Variants in SNTG2 observed in about 807,000 individuals in gnomAD.
SNTG2 encodes syntrophin gamma 2, also known as gamma-2-syntrophin.
In SNTG2, 74 loss-of-function variants were observed where a neutral mutation model predicts 70.9. The observed-to-expected ratio is 1.04, with a 90% confidence interval of 0.86 to 1.27. SNTG2 has a LOEUF of 1.27. Among genes scored for constraint, SNTG2 ranks in the 50% most tolerant of loss-of-function variants. The pLI is 0.00. For synonymous variants in SNTG2, 278 were observed against 273.8 expected (o/e 1.02, Z -0.15); for missense variants, 717 against 690.7 (o/e 1.04, Z -0.43).
chr2:1,090,347 C>T (rs375928637), intron 2 of SNTG2, among the ~76,000 whole-genome samples: 21 of 152,240 alleles, frequency 1.4e-4, no homozygotes, highest in African/African-American at 4.8e-4. Flanking sequence ...TGTGTACATT[C>T]GCTAGAAGTT....
intron 1 of SNTG2, among the ~76,000 whole-genome samples, chr2:1,073,578 A>T (rs1003356600): frequency 6.6e-6 from 1 of 152,242 alleles, no homozygotes; most frequent in East Asian, 1.9e-4. Flanking sequence ...GCATTATCGC[A>T]ATATCCACTT....
At chr2:960,631 G>A (rs1323240352) in intron 1 of SNTG2, among the ~76,000 whole-genome samples, 3 of 144,742 alleles carry the variant, frequency 2.1e-5, no homozygotes, top group Non-Finnish European at 4.5e-5. Flanking sequence ...AGGGTTCCCG[G>A]GCATGGCTGT....
chr2:1,184,001 C>G (rs1672096140), intron 8 of SNTG2, among the ~76,000 whole-genome samples: 2 of 152,108 alleles, frequency 1.3e-5, no homozygotes, highest in African/African-American at 4.8e-5. Flanking sequence ...TATTGCTTGG[C>G]TTGTAGAATT....
At chr2:1,251,670 C>A (rs774873717) in intron 12 of SNTG2, among the ~76,000 whole-genome samples, 11 of 149,070 alleles carry the variant, frequency 7.4e-5, no homozygotes, top group Non-Finnish European at 8.9e-5. Context: ...CATGCACACA[C>A]CACACACACA....
intron 1 of SNTG2, among the ~76,000 whole-genome samples, chr2:1,066,982 C>CTG (rs1479045567): frequency 1.3e-5 from 2 of 152,190 alleles, no homozygotes; most frequent in African/African-American, 2.4e-5. Context: ...CGTTTGTTAG[C>CTG]TGTTCCTGGG....
intron 8 of SNTG2, among the ~76,000 whole-genome samples, chr2:1,186,479 A>G (rs1202791365): frequency 1.3e-5 from 2 of 152,182 alleles, no homozygotes; most frequent in East Asian, 3.9e-4. Context: ...GAAATACCTG[A>G]AACTGGGTAA....
intron 14 of SNTG2, among the ~76,000 whole-genome samples, chr2:1,270,693 C>T (rs1176662817): frequency 2.6e-5 from 4 of 152,160 alleles, no homozygotes; most frequent in South Asian, 2.1e-4. Context: ...TCAAACTCTC[C>T]GTAAATGTGT....
intron 16 of SNTG2, chr2:1,341,837 T>C (rs1660108381): frequency 7.3e-6 from 1 of 136,568 alleles, no homozygotes; most frequent in Admixed American, 7.7e-5. Context: ...TGTTTCCTAA[T>C]TTTTATCGCT....
chr2:1,014,954 AG>A, intron 1 of SNTG2, among the ~76,000 whole-genome samples: 1 of 151,440 alleles, frequency 6.6e-6, no homozygotes, highest in Non-Finnish European at 1.5e-5. Context: ...TGAGGGGTGG[AG>A]GGGGAGCCTG....
intron 4 of SNTG2, among the ~76,000 whole-genome samples, chr2:1,100,835 G>T (rs750774187): frequency 1.2e-4 from 19 of 152,116 alleles, no homozygotes; most frequent in Admixed American, 6.5e-4. Context: ...AGTAGGTAAC[G>T]TTCAGTAAAG....
At position 1,367,297 on chromosome 2, in the gene SNTG2, TCTTCCAAC is replaced by T; in HGVS notation, c.1489-45_1489-38del. The T allele has an allele frequency of 2.7e-6, 4 of 1,485,996 alleles. No homozygotes were observed. In the South Asian group the frequency reaches 5.3e-5, roughly 20 times the overall value. 92.1% of individuals were successfully genotyped at this position (1,485,996 alleles called of 1,614,324 possible). On this transcript the variant is annotated intron_variant, in intron 16 of 16. Coordinates refer to ENST00000308624, the MANE Select transcript of SNTG2 (RefSeq NM_018968.4). ...TTTGTTAAATATTTTTGTAACGTGT[TCTTCCAAC>T]AATTATAATAAACACTTGATCTGAT...
intron 9 of SNTG2, among the ~76,000 whole-genome samples, chr2:1,222,115 GTCTCTCTCTGTCTCTCTCTGTCTC>G (rs1167589265): frequency 0.023 from 510 of 22,074 alleles, 35 homozygotes; most frequent in African/African-American, 0.069. Flanking sequence ...GTCTCTCTCT[GTCTCTCTCTGTCTCTCTCTGTCTC>G]TCTCTGTCTC....
At chr2:1,010,432 G>A (rs1558308624) in intron 1 of SNTG2, among the ~76,000 whole-genome samples, 2 of 152,208 alleles carry the variant, frequency 1.3e-5, no homozygotes, top group African/African-American at 2.4e-5. Context: ...CCTCATGAGC[G>A]TGGTGTGTGG....
intron 4 of SNTG2, among the ~76,000 whole-genome samples, chr2:1,101,714 C>T (rs371301554): frequency 2.0e-5 from 3 of 152,140 alleles, no homozygotes; most frequent in Non-Finnish European, 2.9e-5. Flanking sequence ...AAACCAAATG[C>T]GGGGTGATCA....
At position 1,024,329 on chromosome 2, in the gene SNTG2, C is replaced by G. The variant is rs138113562; in HGVS notation, c.73-59189C>G. On this transcript the variant is annotated intron_variant, in intron 1 of 16. Transcript: ENST00000308624. ...GACAGAAGGTTATTATTTATTTTTT[C>G]TATAAGTGAAATTATACTTTAAATA... 5.4e-3 allele frequency among the ~76,000 whole-genome samples: 818 copies of G among 152,270 alleles called. 5 individuals carry two copies. Among genetic ancestry groups the G allele is most frequent in the Middle Eastern group, 0.01 (3 of 294 alleles).
Position 1,247,384 on chromosome 2 carries a change from T to A in SNTG2, c.946T>A (p.Phe316Ile). The stretch of plus-strand genomic sequence containing the variant: ...CCAAGGAGCTGACTCCTCTCAAACC[T>A]TCAGACCCAAGTTCCTAGCACTGAA... ...KLQGADSSQT[F>I]RPKFLALKGP... Residue 316 changes from phenylalanine (F) to isoleucine (I), a missense_variant, in exon 12 of 17, where the codon TTC (phenylalanine) becomes ATC (isoleucine). By Grantham distance (21) the Phe-to-Ile change is conservative. Coordinates refer to ENST00000308624, the MANE Select transcript of SNTG2 (RefSeq NM_018968.4). The A allele has an allele frequency of 6.2e-7, 1 of 1,613,946 alleles. No individual in the cohort carries two copies. The highest frequency in any genetic ancestry group is 8.5e-7 in the Non-Finnish European group (1 of 1,179,868).
chr2:996,432 T>C (rs1270716687), intron 1 of SNTG2, among the ~76,000 whole-genome samples: 1 of 152,122 alleles, frequency 6.6e-6, no homozygotes, highest in Non-Finnish European at 1.5e-5. Context: ...TCCTTACACC[T>C]TGTAGAAAAA....
At chr2:1,104,743 T>G (rs1666002653) in intron 4 of SNTG2, among the ~76,000 whole-genome samples, 1 of 152,112 alleles carries the variant, frequency 6.6e-6, no homozygotes, top group African/African-American at 2.4e-5. Flanking sequence ...CTTACGGTGG[T>G]TTGAGTGAAT....
intron 7 of SNTG2, among the ~76,000 whole-genome samples, chr2:1,170,341 C>T (rs1671044761): frequency 6.6e-6 from 1 of 152,184 alleles, no homozygotes; most frequent in South Asian, 2.1e-4. Context: ...CAAAACATTT[C>T]CCTCATCCCA....
Sources: allele counts gnomAD v4.1 joint callset (sites outside exome capture counted in the v4.1 genomes callset), GRCh38; gene constraint gnomAD v4.1.1; transcripts MANE v1.5; gene names NCBI Gene and HGNC (gene_info 2026-07-23, HGNC 2026-07-21).